The following CATSPER2 variants were observed in gnomAD, a reference collection of about 807,000 sequenced individuals.
CATSPER2 encodes cation channel sperm-associated protein 2.
CATSPER2 carries 56 observed loss-of-function variants against 68.8 expected under a neutral mutation model. The ratio of observed to expected loss-of-function variants is 0.81; its 90% CI spans 0.66 to 1.02. The LOEUF (loss-of-function observed/expected upper bound fraction) is 1.02. Among genes scored for constraint, CATSPER2 ranks in the 50% least tolerant of loss-of-function variants. The probability of loss-of-function intolerance (pLI) is 0.00; values close to 1 mark genes in which losing one functional copy is unlikely to be tolerated. For missense variants in CATSPER2, 582 were observed against 642.0 expected (o/e 0.91, Z 1.01); for synonymous variants, 198 against 229.9 (o/e 0.86, Z 1.26).
rs2085853720 is a variant in CATSPER2 at position 43,630,511 on chromosome 15, C to T, written c.*190G>A. 2 of 1,286,260 alleles carry T rather than the reference C, an allele frequency of 1.6e-6. No individual in the cohort carries two copies. The highest frequency in any genetic ancestry group is 2.1e-6 in the Non-Finnish European group (2 of 936,172). The allele number at this position is 1,286,260 out of a possible 1,614,324, so 79.7% of individuals were successfully genotyped here. ...CTATGATTACAAGCATCTGCCACCA[C>T]ACCCAGCTAATTTTTTTGTATTTTT... On this transcript the variant is annotated 3_prime_UTR_variant, in exon 13 of 13. Transcript: ENST00000396879.
At position 43,639,013 on chromosome 15, in the gene CATSPER2, A is replaced by G. The variant is rs760920752; in HGVS notation, c.733T>C (p.Leu245=). ...TAGAAGAAGATGAGCAGCAACATCA[A>G]GAGGAAGGTCATGCTCTAGAGGCCA... The part of the protein sequence containing the change: ...VRALKSMTFL[L]MLLLIFFYIF... The change falls in exon 7 of 13, where the codon TTG becomes CTG. Residue 245 remains leucine, a synonymous_variant. Coordinates refer to ENST00000396879, the MANE Select transcript of CATSPER2 (RefSeq NM_172095.4). 6 of 1,612,726 alleles carry G rather than the reference A, an allele frequency of 3.7e-6. No homozygotes were observed. In the South Asian group the frequency reaches 5.5e-5, roughly 15 times the overall value.
chr15:43,648,634 C>T lies in CATSPER2; in HGVS notation c.-8G>A. 7.2e-7 allele frequency: 1 copy of T among 1,397,370 alleles called. No homozygotes were observed. Among genetic ancestry groups the T allele is most frequent in the Non-Finnish European group, 9.3e-7 (1 of 1,079,954 alleles). 86.6% of individuals were successfully genotyped at this position (1,397,370 alleles called of 1,614,324 possible). ...TTCTCGCTTCTGGGCCTCACCTCAG[C>T]CCAGGTTCTCTTTGCCCACTCAGTC... On this transcript the variant is annotated 5_prime_UTR_variant, in exon 1 of 13. Coordinates refer to ENST00000396879, the MANE Select transcript of CATSPER2 (RefSeq NM_172095.4).
chr15:43,630,559 G>T lies in CATSPER2; in HGVS notation c.*142C>A. On this transcript the variant is annotated 3_prime_UTR_variant, in exon 13 of 13. Transcript: ENST00000396879. ...TTTAGTAGAGACAGGGTTTCACCAC[G>T]CCTGGCCTAGACACTTATACTTTTT... 6.4e-7 allele frequency: 1 copy of T among 1,552,622 alleles called. No homozygotes were observed. The highest frequency in any genetic ancestry group is 8.8e-7 in the Non-Finnish European group (1 of 1,141,420).
intron 7 of CATSPER2, among the ~76,000 whole-genome samples, chr15:43,636,603 C>T (rs1487921719): frequency 6.6e-6 from 1 of 151,484 alleles, no homozygotes; most frequent in African/African-American, 2.4e-5. Context: ...GTTGGCCAGG[C>T]TGGTCTCGAA....
chr15:43,647,068 T>A lies in CATSPER2; in HGVS notation c.370A>T (p.Ile124Leu). 1 of 1,612,672 alleles carries A rather than the reference T, an allele frequency of 6.2e-7. No homozygotes were observed. The highest frequency in any genetic ancestry group is 8.5e-7 in the Non-Finnish European group (1 of 1,178,872). ...IIFLVFLNTI[I>L]LMVEIELLES... ...TTCTCACCTATTTCAACCATCAATA[T>A]GATCGTATTCAAAAAGACCAGGAAG... Residue 124 changes from isoleucine (I) to leucine (L), a missense_variant, in exon 4 of 13, where the codon ATA becomes TTA. Around this residue, in one of 5 missense-constraint regions of CATSPER2, gnomAD observed 197 missense variants for 191.0 expected, o/e 1.03. Coordinates refer to ENST00000396879, the MANE Select transcript of CATSPER2 (RefSeq NM_172095.4).
intron 12 of CATSPER2, 151 bp from the exon 13 acceptor site, chr15:43,630,883 C>T (rs1383879569): frequency 1.3e-6 from 2 of 1,523,774 alleles, no homozygotes; most frequent in East Asian, 2.4e-5. Context: ...GTACTCTTTG[C>T]CATAGACAAG....
chr15:43,632,494 A>G, intron 11 of CATSPER2, 131 bp from the exon 12 acceptor site: 2 of 1,407,484 alleles, frequency 1.4e-6, no homozygotes, highest in South Asian at 2.4e-5. Flanking sequence ...GAAAGGGTGC[A>G]TCAGTAAGAA....
chr15:43,646,700 C>T (rs1308720620), intron 4 of CATSPER2, among the ~76,000 whole-genome samples: 2 of 149,256 alleles, frequency 1.3e-5, no homozygotes, highest in East Asian at 2.0e-4. Context: ...CTCCTACCCA[C>T]TTCCTCTTTT....
intron 12 of CATSPER2, chr15:43,631,435 T>G (rs1298934063): frequency 2.8e-5 from 6 of 216,284 alleles, no homozygotes. Context: ...CTCACCATGT[T>G]GGCCAGGATG....
intron 4 of CATSPER2, among the ~76,000 whole-genome samples, chr15:43,644,994 T>C (rs2086137058): frequency 6.6e-6 from 1 of 152,054 alleles, no homozygotes; most frequent in African/African-American, 2.4e-5. Context: ...TATAGTATAC[T>C]GTAGTGGGTC....
intron 12 of CATSPER2, among the ~76,000 whole-genome samples, chr15:43,631,730 G>C (rs1349298147): frequency 6.6e-6 from 1 of 151,940 alleles, no homozygotes; most frequent in East Asian, 1.9e-4. Context: ...TCTTTAGGCA[G>C]TTAGGACAGT....
Position 43,632,329 on chromosome 15 carries a change from A to C in CATSPER2, c.1431T>G (p.Asn477Lys). 1 of 1,613,660 alleles carries C rather than the reference A, an allele frequency of 6.2e-7. No individual in the cohort carries two copies. Among genetic ancestry groups the C allele is most frequent in the Non-Finnish European group, 8.5e-7 (1 of 1,179,854 alleles). Reference protein sequence around the residue: ...RLDWETLVHENLPGLMEMDQD... With the variant: ...RLDWETLVHEKLPGLMEMDQD... ...GATCCATTTCCATTAGCCCGGGCAG[A>C]TTTTCGTGCACAAGAGTCTCCCAGT... is the stretch of plus-strand genomic sequence containing the variant. Residue 477 changes from asparagine (N) to lysine (K), a missense_variant, in exon 12 of 13, where the codon AAT becomes AAG. Coordinates refer to ENST00000396879, the MANE Select transcript of CATSPER2 (RefSeq NM_172095.4).
At chr15:43,644,382 G>A (rs1369584985) in intron 4 of CATSPER2, among the ~76,000 whole-genome samples, 1 of 151,952 alleles carries the variant, frequency 6.6e-6, no homozygotes, top group African/African-American at 2.4e-5. Context: ...TTTCTAGTCT[G>A]GCAATCTACT....
intron 2 of CATSPER2, 73 bp from the exon 3 acceptor site, chr15:43,647,540 T>TACTG: frequency 7.1e-7 from 1 of 1,417,936 alleles, no homozygotes; most frequent in Non-Finnish European, 1.0e-6. Flanking sequence ...GGGGCAGGGA[T>TACTG]ACTGGTCAGG....
intron 4 of CATSPER2, chr15:43,643,027 ATTC>A: frequency 6.6e-6 from 1 of 152,184 alleles, no homozygotes; most frequent in South Asian, 2.1e-4. Context: ...ATGCTTCAAT[ATTC>A]TTCTCAGGGT....
At chr15:43,644,389 T>C (rs534130222) in intron 4 of CATSPER2, among the ~76,000 whole-genome samples, 1 of 152,144 alleles carries the variant, frequency 6.6e-6, no homozygotes, top group South Asian at 2.1e-4. Context: ...TCTGGCAATC[T>C]ACTTATCCTC....
intron 6 of CATSPER2, 45 bp downstream of exon 6, chr15:43,639,597 AT>A (rs757193614): frequency 6.2e-7 from 1 of 1,610,780 alleles, no homozygotes; most frequent in Non-Finnish European, 8.5e-7. Context: ...AAGCCCTCAC[AT>A]TTATCTACCT....
intron 7 of CATSPER2, chr15:43,637,532 G>A (rs189286348): frequency 1.3e-5 from 2 of 151,934 alleles, no homozygotes; most frequent in East Asian, 3.9e-4. Context: ...AGTGCTGAGA[G>A]GCACTGACAA....
At chr15:43,638,874 C>A (rs767833332) in intron 7 of CATSPER2, 30 bp downstream of exon 7, 5 of 1,611,556 alleles carry the variant, frequency 3.1e-6, no homozygotes, top group Admixed American at 1.7e-5. Context: ...AATTTTCTCC[C>A]CTCACCCAGC....
Sources: gnomAD v4.1 joint callset for allele counts (sites outside exome capture counted in the v4.1 genomes callset) on GRCh38, gnomAD v4.1.1 for gene constraint, gnomAD v4.1.1 regional missense constraint, MANE v1.5 for transcripts, NCBI Gene and HGNC (gene_info 2026-07-23, HGNC 2026-07-21) for gene names.